The following NCKAP1 variants were observed in gnomAD, a reference collection of about 807,000 sequenced individuals.
NCKAP1 encodes nck-associated protein 1.
NCKAP1 carries 21 observed loss-of-function variants against 151.2 expected under a neutral mutation model. That is an observed-to-expected ratio of 0.14 (90% CI 0.10 to 0.20). The LOEUF is 0.20. Ranked by LOEUF, NCKAP1 falls within the 10% of genes least tolerant of loss-of-function variation. NCKAP1 has a pLI of 1.00. For missense variants in NCKAP1, 933 were observed against 1,352.1 expected (o/e 0.69, Z 4.86); for synonymous variants, 484 against 451.8 (o/e 1.07, Z -0.90).
intron 4 of NCKAP1, among the ~76,000 whole-genome samples, chr2:183,002,539 G>A (rs1215126425): frequency 6.6e-6 from 1 of 151,904 alleles, no homozygotes; most frequent in Non-Finnish European, 1.5e-5. Flanking sequence ...ATAAAAGCCA[G>A]AATAATAAGG....
chr2:182,967,139 T>TA, intron 16 of NCKAP1, 77 bp downstream of exon 16: 1 of 1,377,542 alleles, frequency 7.3e-7, no homozygotes. Flanking sequence ...AGGACTATGC[T>TA]AACACAAAAA....
intron 15 of NCKAP1, among the ~76,000 whole-genome samples, chr2:182,974,423 G>A (rs73046218): frequency 0.044 from 6,716 of 152,136 alleles, 494 homozygotes; most frequent in African/African-American, 0.15. Context: ...GACCTTATTT[G>A]GAATTAGGGT....
intron 2 of NCKAP1, among the ~76,000 whole-genome samples, chr2:183,018,277 C>T (rs1404379531): frequency 1.3e-5 from 2 of 151,976 alleles, no homozygotes; most frequent in East Asian, 3.9e-4. Context: ...AACAATGATA[C>T]CTTAAGATGT....
chr2:182,971,418 A>T lies in NCKAP1; in HGVS notation c.1483-4057T>A, dbSNP rs1281078976. 1.3e-5 allele frequency among the ~76,000 whole-genome samples: 2 copies of T among 149,120 alleles called. 1 individual carries two copies. Among genetic ancestry groups the T allele is most frequent in the African/African-American group, 4.9e-5 (2 of 40,768 alleles). On this transcript the variant is annotated intron_variant, in intron 15 of 30. Coordinates refer to ENST00000361354, the MANE Select transcript of NCKAP1 (RefSeq NM_013436.5). ...CAAAAAAAAAAAAAAAAAAAAAAAG[A>T]TATCTCATGTTCATGAATTGGAAGA...
intron 15 of NCKAP1, among the ~76,000 whole-genome samples, chr2:182,976,081 T>C (rs1020747245): frequency 2.0e-5 from 3 of 152,162 alleles, no homozygotes; most frequent in African/African-American, 7.2e-5. Flanking sequence ...TGTTTTGACT[T>C]CACAATGAGT....
chr2:183,033,299 C>T (rs1699041171), intron 1 of NCKAP1, among the ~76,000 whole-genome samples: 1 of 152,204 alleles, frequency 6.6e-6, no homozygotes, highest in South Asian at 2.1e-4. Flanking sequence ...GTATATCCTA[C>T]TGAATAAAAA....
intron 6 of NCKAP1, among the ~76,000 whole-genome samples, chr2:183,000,762 T>A (rs1698360303): frequency 6.6e-6 from 1 of 152,048 alleles, no homozygotes; most frequent in Non-Finnish European, 1.5e-5. Context: ...AGTAAAAAAA[T>A]TCAAAGAAAA....
intron 23 of NCKAP1, among the ~76,000 whole-genome samples, chr2:182,943,805 GT>G (rs1282472051): frequency 6.6e-6 from 1 of 152,122 alleles, no homozygotes; most frequent in Non-Finnish European, 1.5e-5. Context: ...AATATTCCAA[GT>G]TTACAGCTGA....
At chr2:182,939,031 A>G (rs4507060) in intron 24 of NCKAP1, among the ~76,000 whole-genome samples, 2 of 152,224 alleles carry the variant, frequency 1.3e-5, no homozygotes, top group Admixed American at 1.3e-4. Flanking sequence ...GGCAACTTAT[A>G]GGTTTGTAGA....
chr2:182,929,000 C>T (rs1575011323), intron 27 of NCKAP1, 101 bp from the exon 28 acceptor site: 3 of 649,806 alleles, frequency 4.6e-6, no homozygotes, highest in Non-Finnish European at 4.9e-6. Context: ...AAATGGTTTA[C>T]TTTTTTTTTT....
intron 1 of NCKAP1, among the ~76,000 whole-genome samples, chr2:183,036,090 A>G (rs988682104): frequency 6.6e-6 from 1 of 152,226 alleles, no homozygotes; most frequent in Non-Finnish European, 1.5e-5. Flanking sequence ...CACAAGTTCA[A>G]TAATACAAGA....
chr2:182,988,680 T>C (rs1698105601), intron 9 of NCKAP1, among the ~76,000 whole-genome samples: 1 of 152,198 alleles, frequency 6.6e-6, no homozygotes, highest in Non-Finnish European at 1.5e-5. Context: ...GTACACCCTA[T>C]TCTAAAATAA....
intron 2 of NCKAP1, among the ~76,000 whole-genome samples, chr2:183,018,625 A>G (rs563519139): frequency 6.6e-6 from 1 of 152,340 alleles, no homozygotes; most frequent in South Asian, 2.1e-4. Context: ...TACCATTAAT[A>G]AGATATATCT....
chr2:183,005,202 A>G (rs768763521), intron 2 of NCKAP1, among the ~76,000 whole-genome samples: 20 of 152,222 alleles, frequency 1.3e-4, no homozygotes, highest in Non-Finnish European at 2.4e-4. Flanking sequence ...ACAACAGGTG[A>G]AAGTACATTC....
chr2:182,973,507 G>GA (rs1260901258), intron 15 of NCKAP1, among the ~76,000 whole-genome samples: 1 of 152,030 alleles, frequency 6.6e-6, no homozygotes, highest in Non-Finnish European at 1.5e-5. Context: ...AAAGGACAGA[G>GA]AAAGATGAAA....
At chr2:182,995,676 T>C (rs947700089) in intron 7 of NCKAP1, 25 bp downstream of exon 7, 2 of 1,592,124 alleles carry the variant, frequency 1.3e-6, no homozygotes, top group South Asian at 2.3e-5. Context: ...TTATTTTCAT[T>C]CAAAAGAGAA....
chr2:182,997,445 A>G (rs1044548514), intron 6 of NCKAP1, among the ~76,000 whole-genome samples: 1 of 152,086 alleles, frequency 6.6e-6, no homozygotes, highest in African/African-American at 2.4e-5. Flanking sequence ...TTGTGTCGCT[A>G]TTTTCATTTG....
intron 24 of NCKAP1, among the ~76,000 whole-genome samples, chr2:182,938,232 T>C (rs935288676): frequency 2.0e-5 from 3 of 152,088 alleles, no homozygotes; most frequent in African/African-American, 7.2e-5. Flanking sequence ...AAGATAAATA[T>C]TGGATAAGGG....
At chr2:182,955,400 GAATA>G (rs1559080796) in intron 20 of NCKAP1, among the ~76,000 whole-genome samples, 1 of 152,020 alleles carries the variant, frequency 6.6e-6, no homozygotes, top group Non-Finnish European at 1.5e-5. Flanking sequence ...AAATTTTCAT[GAATA>G]AATATTAATA....
Sources: allele counts gnomAD v4.1 joint callset (sites outside exome capture counted in the v4.1 genomes callset), GRCh38; gene constraint gnomAD v4.1.1; transcripts MANE v1.5; gene names NCBI Gene and HGNC (gene_info 2026-07-23, HGNC 2026-07-21).